The following C4A variants were observed in gnomAD, a reference collection of about 807,000 sequenced individuals.
The protein encoded by C4A is complement C4A (Chido/Rodgers blood group).
C4A carries 12 observed loss-of-function variants against 45.7 expected under a neutral mutation model. That is an observed-to-expected ratio of 0.26 (90% CI 0.17 to 0.43). The LOEUF (loss-of-function observed/expected upper bound fraction) is 0.43, where lower values mean the gene tolerates loss of function less well. C4A is among the 20% of genes least tolerant of loss of function. The pLI is 1.00. For missense variants in C4A, 127 were observed against 534.4 expected, an observed-to-expected ratio of 0.24 and a Z score of 7.52; for synonymous variants, 66 against 230.7, an observed-to-expected ratio of 0.29 and a Z score of 6.47.
rs776084081 is a variant in C4A, at chr6:31,996,497, C to T, written c.3573C>T (p.His1191=). The T allele has an allele frequency of 2.8e-5, 45 of 1,588,706 alleles. 1 individual carries two copies. The highest frequency in any genetic ancestry group is 8.9e-5 in the East Asian group (4 of 44,778). ...EKASAGLLGA[H]AAAITAYALT... is the part of the protein sequence containing the mutation. ...CAAGTGCTGGGCTCCTGGGTGCCCACGCAGCTGCCATCACGGCCTATGCCC... is the reference window on the plus strand; with the variant it reads ...CAAGTGCTGGGCTCCTGGGTGCCCATGCAGCTGCCATCACGGCCTATGCCC... The change falls in exon 28 of 41, where the codon CAC becomes CAT. Residue 1191 remains histidine, a synonymous_variant. Transcript: ENST00000428956.
At position 31,996,507 on chromosome 6, in the gene C4A, A is replaced by G. The variant is rs1280185782; in HGVS notation, c.3583A>G (p.Ile1195Val). ...GCTCCTGGGTGCCCACGCAGCTGCC[A>G]TCACGGCCTATGCCCTGACACTGAC... ...AGLLGAHAAA[I>V]TAYALTLTKA... Residue 1195 changes from isoleucine to valine, a missense_variant, in exon 28 of 41, where the codon ATC becomes GTC. Coordinates refer to ENST00000428956, the MANE Select transcript of C4A (RefSeq NM_007293.3). 1.3e-6 allele frequency: 2 copies of G among 1,588,100 alleles called. No homozygotes were observed. The highest frequency in any genetic ancestry group is 1.4e-5 in the African/African-American group (1 of 73,344).
At position 31,996,641 on chromosome 6, in the gene C4A, G is replaced by T. The variant is rs571742632; in HGVS notation, c.3676+41G>T. ...CTCCTGGCAGTGAGCCTGAGGCCCA[G>T]GGGACCTTAGGATCCCTGAGTGTGC... On this transcript the variant is annotated intron_variant, in intron 28 of 40. Coordinates refer to ENST00000428956, the MANE Select transcript of C4A (RefSeq NM_007293.3). 1,261 of 1,587,466 alleles carry T rather than the reference G, an allele frequency of 7.9e-4. 33 individuals carry two copies. The South Asian group carries it at 0.013, about 16-fold the overall frequency.
In C4A at chr6:31,996,066, C is replaced by T. The variant is rs1774430388; in HGVS notation, c.3342C>T (p.Asp1114=). ...GGCTTCTGTCCCAGCAGCAGGCTGACGGCTCGTTCCAGGACCCCTGTCCAG... is the reference window on the plus strand; with the variant it reads ...GGCTTCTGTCCCAGCAGCAGGCTGATGGCTCGTTCCAGGACCCCTGTCCAG... ...SNWLLSQQQA[D]GSFQDPCPVL... Residue 1114 remains aspartate, a synonymous_variant, in exon 26 of 41, where the codon GAC becomes GAT. Transcript: ENST00000428956. 14 of 1,587,298 alleles carry T rather than the reference C, an allele frequency of 8.8e-6. 2 individuals are homozygous for T. The highest frequency in any genetic ancestry group is 2.2e-5 in the South Asian group (2 of 90,776).
At position 31,996,363 on chromosome 6, in the gene C4A, C is replaced by G. The variant is rs375745191; in HGVS notation, c.3504+40C>G. On this transcript the variant is annotated intron_variant, in intron 27 of 40. Coordinates refer to ENST00000428956, the MANE Select transcript of C4A (RefSeq NM_007293.3). Reference sequence around the variant, plus strand: ...GTTTCTGCCCTCTGCTGGCCCCCAGCTCTCTCCCTTTTTCCTCAGGAACCC... The same window carrying G: ...GTTTCTGCCCTCTGCTGGCCCCCAGGTCTCTCCCTTTTTCCTCAGGAACCC... 2,766 of 1,581,112 alleles carry G rather than the reference C, an allele frequency of 1.7e-3. 190 individuals carry two copies. In the African/African-American group the frequency reaches 0.022, roughly 13 times the overall value.
rs28357077 is a variant in C4A at position 31,996,554 on chromosome 6, C to G, written c.3630C>G (p.Leu1210=). The G allele has an allele frequency of 8.0e-4, 1,214 of 1,524,876 alleles. 184 individuals are homozygous for G. The highest frequency in any genetic ancestry group is 2.3e-3 in the East Asian group (101 of 43,176). The allele number at this position is 1,524,876 out of a possible 1,614,324, so 94.5% of individuals were successfully genotyped here. Reference sequence around the variant, plus strand: ...TGACCAAGGCGCCTGTGGACCTGCTCGGTGTTGCCCACAACAACCTCATGG... The same window carrying G: ...TGACCAAGGCGCCTGTGGACCTGCTGGGTGTTGCCCACAACAACCTCATGG... ...LTLTKAPVDL[L]GVAHNNLMAM... is the part of the protein sequence containing the mutation. The change falls in exon 28 of 41, where the codon CTC becomes CTG. Residue 1210 remains leucine, a synonymous_variant. Transcript: ENST00000428956.
At chr6:31,994,198 TG>T in intron 19 of C4A, 46 bp from the exon 20 acceptor site, 1 of 1,013,892 alleles carries the variant, frequency 9.9e-7, no homozygotes, top group Non-Finnish European at 1.4e-6. Flanking sequence ...GAAGCTTTGA[TG>T]GCCCCTCTGA....
chr6:31,996,884 C>G lies in C4A; in HGVS notation c.3732C>G (p.Thr1244=), dbSNP rs1479610194. Residue 1244 remains threonine, a synonymous_variant, in exon 29 of 41, where the codon ACC becomes ACG. Transcript: ENST00000428956. ...CTCAGAGCAATGCCGTGTCGCCCAC[C>G]CCGGCTCCTCGCAACCCATCCGACC... is the stretch of plus-strand genomic sequence containing the variant. ...TGSQSNAVSP[T]PAPRNPSDPM... is the part of the protein sequence containing the mutation. The G allele has an allele frequency of 3.9e-6, 4 of 1,013,188 alleles. No individual in the cohort carries two copies. In the African/African-American group the frequency reaches 1.1e-4, roughly 28 times the overall value. 62.8% of individuals were successfully genotyped at this position (1,013,188 alleles called of 1,614,324 possible).
Position 31,996,666 on chromosome 6 carries a change from C to T in C4A, c.3676+66C>T. On this transcript the variant is annotated intron_variant, in intron 28 of 40. Coordinates refer to ENST00000428956, the MANE Select transcript of C4A (RefSeq NM_007293.3). ...GGGGACCTTAGGATCCCTGAGTGTG[C>T]CCAGAGGGAGAGGCTGGATGAAGAC... The T allele has an allele frequency of 2.5e-6, 4 of 1,581,624 alleles. No individual in the cohort carries two copies. The South Asian group carries it at 4.4e-5, about 17-fold the overall frequency.
chr6:31,996,405 G>A, intron 27 of C4A, 24 bp from the exon 28 acceptor site: 1 of 1,586,896 alleles, frequency 6.3e-7, no homozygotes, highest in Non-Finnish European at 8.6e-7. Flanking sequence ...CCAGGCCCAA[G>A]ACCCTCCTCC....
Position 31,996,561 on chromosome 6 carries a change from G to A in C4A, c.3637G>A (p.Ala1213Thr). Residue 1213 changes from alanine (A) to threonine (T), a missense_variant, in exon 28 of 41, where the codon GCC (alanine) becomes ACC (threonine). Transcript: ENST00000428956. ...TKAPVDLLGV[A>T]HNNLMAMAQE... Reference sequence around the variant, plus strand: ...GGCGCCTGTGGACCTGCTCGGTGTTGCCCACAACAACCTCATGGCAATGGC... The same window carrying A: ...GGCGCCTGTGGACCTGCTCGGTGTTACCCACAACAACCTCATGGCAATGGC... 1.9e-6 allele frequency: 3 copies of A among 1,588,580 alleles called. No individual in the cohort carries two copies. The highest frequency in any genetic ancestry group is 2.6e-6 in the Non-Finnish European group (3 of 1,158,284).
In C4A at chr6:31,996,533, C is replaced by G. The variant is rs1191188846; in HGVS notation, c.3609C>G (p.Thr1203=). The G allele has an allele frequency of 1.9e-6, 3 of 1,586,724 alleles. No individual in the cohort carries two copies. The highest frequency in any genetic ancestry group is 1.4e-5 in the African/African-American group (1 of 73,198). Residue 1203 remains threonine (T), a synonymous_variant, in exon 28 of 41, where the codon ACC becomes ACG. Transcript: ENST00000428956. ...TCACGGCCTATGCCCTGACACTGAC[C>G]AAGGCGCCTGTGGACCTGCTCGGTG... ...AAITAYALTL[T]KAPVDLLGVA...
Position 31,996,670 on chromosome 6 carries a change from G to C in C4A, c.3676+70G>C. On this transcript the variant is annotated intron_variant, in intron 28 of 40. Coordinates refer to ENST00000428956, the MANE Select transcript of C4A (RefSeq NM_007293.3). The stretch of plus-strand genomic sequence containing the variant: ...ACCTTAGGATCCCTGAGTGTGCCCA[G>C]AGGGAGAGGCTGGATGAAGACTCAG... 3.8e-6 allele frequency: 6 copies of C among 1,580,388 alleles called. No homozygotes were observed. In the South Asian group the frequency reaches 5.5e-5, roughly 15 times the overall value.
chr6:31,994,609 G>C lies in C4A; in HGVS notation c.2704G>C (p.Val902Leu). The C allele has an allele frequency of 6.3e-7, 1 of 1,592,616 alleles. No individual in the cohort carries two copies. The highest frequency in any genetic ancestry group is 8.6e-7 in the Non-Finnish European group (1 of 1,160,294). The change falls in exon 21 of 41, where the codon GTG (valine) becomes CTG (leucine). Residue 902 changes from valine (V) to leucine (L), a missense_variant. Val to Leu is a conservative substitution (Grantham distance 32). Coordinates refer to ENST00000428956, the MANE Select transcript of C4A (RefSeq NM_007293.3). ...TGCCCGGCCTGTTGCCTTCTCTGTG[G>C]TGCCCACGGCAGCCGCCGCTGTGTC... Reference protein sequence around the residue: ...GSARPVAFSVVPTAAAAVSLK... With the variant: ...GSARPVAFSVLPTAAAAVSLK...
Position 31,996,565 on chromosome 6 carries a change from A to G in C4A, c.3641A>G (p.His1214Arg). 6.3e-7 allele frequency: 1 copy of G among 1,588,710 alleles called. No individual in the cohort carries two copies. The highest frequency in any genetic ancestry group is 8.6e-7 in the Non-Finnish European group (1 of 1,158,394). The change falls in exon 28 of 41, where the codon CAC becomes CGC. Residue 1214 changes from histidine to arginine, a missense_variant. By Grantham distance (29) the His-to-Arg change is conservative. Transcript: ENST00000428956. ...CCTGTGGACCTGCTCGGTGTTGCCC[A>G]CAACAACCTCATGGCAATGGCCCAG... ...KAPVDLLGVAHNNLMAMAQET... is the reference protein window; with the variant it reads ...KAPVDLLGVARNNLMAMAQET...
intron 24 of C4A, 56 bp downstream of exon 24, chr6:31,995,595 AT>A: frequency 1.1e-6 from 1 of 925,632 alleles, no homozygotes; most frequent in Non-Finnish European, 1.6e-6. Flanking sequence ...TTACTGGAAG[AT>A]GGACAGCCCA....
Position 31,996,417 on chromosome 6 carries a change from G to A in C4A, c.3505-12G>A, listed in dbSNP as rs200365073. 3,030 of 1,585,874 alleles carry A rather than the reference G, an allele frequency of 1.9e-3. 304 individuals carry two copies. Among genetic ancestry groups the A allele is most frequent in the Middle Eastern group, 2.8e-3 (16 of 5,740 alleles). ...GGTCCAGGCCCAAGACCCTCCTCCC[G>A]TTTTCTTCCAGGAAGCCTCCATCTC... is the stretch of plus-strand genomic sequence containing the variant. On this transcript the variant is annotated splice_polypyrimidine_tract_variant and intron_variant, in intron 27 of 40. Coordinates refer to ENST00000428956, the MANE Select transcript of C4A (RefSeq NM_007293.3).
rs767658336 is a variant in C4A at position 31,996,036 on chromosome 6, T to G, written c.3312T>G (p.Ser1104=). The G allele has an allele frequency of 3.2e-6, 5 of 1,586,222 alleles. No individual in the cohort carries two copies. The African/African-American group carries it at 5.4e-5, about 17-fold the overall frequency. The change falls in exon 26 of 41, where the codon TCT becomes TCG. Residue 1104 remains serine (S), a synonymous_variant. Coordinates refer to ENST00000428956, the MANE Select transcript of C4A (RefSeq NM_007293.3). ...CGCCTGAGAAACTGCAGGAGACATCTAACTGGCTTCTGTCCCAGCAGCAGG... is the reference window on the plus strand; with the variant it reads ...CGCCTGAGAAACTGCAGGAGACATCGAACTGGCTTCTGTCCCAGCAGCAGG... ...GGSPEKLQET[S]NWLLSQQQAD... is the part of the protein sequence containing the mutation.
Position 31,996,531 on chromosome 6 carries a change from A to G in C4A, c.3607A>G (p.Thr1203Ala). Reference sequence around the variant, plus strand: ...CATCACGGCCTATGCCCTGACACTGACCAAGGCGCCTGTGGACCTGCTCGG... The same window carrying G: ...CATCACGGCCTATGCCCTGACACTGGCCAAGGCGCCTGTGGACCTGCTCGG... ...AAITAYALTL[T>A]KAPVDLLGVA... is the part of the protein sequence containing the mutation. The change falls in exon 28 of 41, where the codon ACC becomes GCC. Residue 1203 changes from threonine to alanine, a missense_variant. Thr to Ala is a moderately conservative substitution (Grantham distance 58). Transcript: ENST00000428956. 1 of 1,586,588 alleles carries G rather than the reference A, an allele frequency of 6.3e-7. No homozygotes were observed. Among genetic ancestry groups the G allele is most frequent in the East Asian group, 2.2e-5 (1 of 44,718 alleles).
Position 31,995,943 on chromosome 6 carries a change from C to T in C4A, c.3231-12C>T. The stretch of plus-strand genomic sequence containing the variant: ...AAGTCCTTATCCCCAACCCTCCTTT[C>T]CTGCCCTCCAGGCTCACAGCCTTTG... On this transcript the variant is annotated splice_polypyrimidine_tract_variant and intron_variant, in intron 25 of 40. Transcript: ENST00000428956. The T allele has an allele frequency of 6.4e-7, 1 of 1,563,766 alleles. No homozygotes were observed. Among genetic ancestry groups the T allele is most frequent in the South Asian group, 1.1e-5 (1 of 90,132 alleles).
Sources: gnomAD v4.1 joint callset for allele counts on GRCh38, gnomAD v4.1.1 for gene constraint, MANE v1.5 for transcripts, NCBI Gene and HGNC (gene_info 2026-07-23, HGNC 2026-07-21) for gene names.